FBRSL1: variants seen among roughly 807,000 people sequenced by gnomAD.
FBRSL1 encodes fibrosin-1-like protein.
FBRSL1 carries 51 observed loss-of-function variants against 89.6 expected under a neutral mutation model. The ratio of observed to expected loss-of-function variants is 0.57; its 90% CI spans 0.45 to 0.72. The LOEUF (loss-of-function observed/expected upper bound fraction) is 0.72. Among genes scored for constraint, FBRSL1 ranks in the 30% least tolerant of loss-of-function variants. FBRSL1 has a pLI of 0.00. For missense variants in FBRSL1, 1,618 were observed against 1,451.8 expected, an observed-to-expected ratio of 1.11 and a Z score of -1.86; for synonymous variants, 779 against 681.1, an observed-to-expected ratio of 1.14 and a Z score of -2.24.
At chr12:132,551,350 G>A (rs1294416662) in intron 5 of FBRSL1, 1 of 448,398 alleles carries the variant, frequency 2.2e-6, no homozygotes, top group Non-Finnish European at 4.5e-6. Flanking sequence ...GTGGGCAGAA[G>A]ATGGAGAAGC....
chr12:132,522,243 C>T (rs998515682), intron 2 of FBRSL1, among the ~76,000 whole-genome samples: 2 of 152,166 alleles, frequency 1.3e-5, no homozygotes, highest in African/African-American at 4.8e-5. Flanking sequence ...ACCGGACAGG[C>T]CAGGCCGCAC....
At chr12:132,503,416 C>T (rs1044797571) in intron 1 of FBRSL1, among the ~76,000 whole-genome samples, 8 of 152,240 alleles carry the variant, frequency 5.3e-5, no homozygotes, top group African/African-American at 1.9e-4. Context: ...GTGGGGTCCC[C>T]ATCAGAAAAA....
At chr12:132,576,216 A>C (rs1490289801) in intron 14 of FBRSL1, among the ~76,000 whole-genome samples, 1 of 126,342 alleles carries the variant, frequency 7.9e-6, no homozygotes, top group South Asian at 2.5e-4. Context: ...TTCTTGAGAT[A>C]GAGTCTCGCT....
rs1453335561 is a variant in FBRSL1 at position 132,551,524 on chromosome 12, C to T, written c.645+3492C>T. On this transcript the variant is annotated intron_variant, in intron 5 of 18. Transcript: ENST00000680143. ...CGCGGGCGCATGTCTCAGGCCAGTG[C>T]ACTTCACATCTCATCCCACACCTGC... The T allele has an allele frequency of 6.6e-6, 3 of 456,314 alleles. No individual in the cohort carries two copies. The East Asian group carries it at 2.1e-4, about 32-fold the overall frequency. The allele number at this position is 456,314 out of a possible 1,614,324, so 28.3% of individuals were successfully genotyped here. A position where few individuals can be genotyped will look rare whatever the true frequency, so the allele number is the denominator to read the frequency against.
intron 4 of FBRSL1, among the ~76,000 whole-genome samples, chr12:132,537,292 C>T (rs879618637): frequency 2.0e-5 from 3 of 152,160 alleles, no homozygotes; most frequent in Non-Finnish European, 2.9e-5. Flanking sequence ...GAGACTGTTC[C>T]TGTCCAGTGT....
At chr12:132,536,735 TGAA>T (rs574284901) in intron 4 of FBRSL1, among the ~76,000 whole-genome samples, 65 of 152,090 alleles carry the variant, frequency 4.3e-4, no homozygotes, top group East Asian at 3.9e-3. Context: ...TACGTGTACA[TGAA>T]GGTGTGTGTG....
At chr12:132,514,105 G>C (rs1004753319) in intron 2 of FBRSL1, among the ~76,000 whole-genome samples, 1 of 152,230 alleles carries the variant, frequency 6.6e-6, no homozygotes, top group Non-Finnish European at 1.5e-5. Flanking sequence ...CACTGAGGAC[G>C]ATGAGCTCCG....
chr12:132,519,711 C>G (rs1162262412), intron 2 of FBRSL1, among the ~76,000 whole-genome samples: 1 of 152,164 alleles, frequency 6.6e-6, no homozygotes, highest in African/African-American at 2.4e-5. Flanking sequence ...GAGTTCAAGA[C>G]CAGTCTGGCC....
intron 2 of FBRSL1, chr12:132,509,714 C>T: frequency 8.1e-7 from 1 of 1,231,406 alleles, no homozygotes; most frequent in Non-Finnish European, 1.0e-6. Flanking sequence ...TGTGGCACCG[C>T]TGCCGACCCC....
At chr12:132,527,489 C>G (rs1398647851) in intron 3 of FBRSL1, among the ~76,000 whole-genome samples, 1 of 152,250 alleles carries the variant, frequency 6.6e-6, no homozygotes, top group Admixed American at 6.5e-5. Flanking sequence ...GTCCTCCTCC[C>G]TGCGGCCTCA....
chr12:132,534,648 C>T (rs1025012593), intron 4 of FBRSL1, among the ~76,000 whole-genome samples: 16 of 152,248 alleles, frequency 1.1e-4, no homozygotes, highest in African/African-American at 3.9e-4. Context: ...CTCCTCCATG[C>T]TGCACTGTGC....
Position 132,583,418 on chromosome 12 carries a change from C to G in FBRSL1, c.2649C>G (p.Arg883=). 1 of 1,080,538 alleles carries G rather than the reference C, an allele frequency of 9.3e-7. No homozygotes were observed. Among genetic ancestry groups the G allele is most frequent in the South Asian group, 2.8e-5 (1 of 35,472 alleles). The allele number at this position is 1,080,538 out of a possible 1,614,324, so 66.9% of individuals were successfully genotyped here. A position where few individuals can be genotyped will look rare whatever the true frequency, so the allele number is the denominator to read the frequency against. Residue 883 remains arginine (R), a synonymous_variant, in exon 19 of 19, where the codon CGC becomes CGG. Transcript: ENST00000680143. The part of the protein sequence containing the change: ...GSAALLEPPE[R]PYRDREPHGY... ...CCGCCCTCTTGGAGCCCCCGGAGCG[C>G]CCCTACCGCGACCGCGAGCCCCACG...
At chr12:132,536,503 A>T (rs113821624) in intron 4 of FBRSL1, among the ~76,000 whole-genome samples, 74 of 150,062 alleles carry the variant, frequency 4.9e-4, no homozygotes, top group African/African-American at 1.8e-3. Context: ...TGTGTCGTGT[A>T]CATGATGGTG....
In FBRSL1 at chr12:132,570,435, C is replaced by A. The variant is rs2039931292; in HGVS notation, c.1108C>A (p.Gln370Lys). The A allele has an allele frequency of 6.5e-7, 1 of 1,534,868 alleles. No individual in the cohort carries two copies. The highest frequency in any genetic ancestry group is 8.7e-7 in the Non-Finnish European group (1 of 1,145,838). Residue 370 changes from glutamine (Q) to lysine (K), a missense_variant, in exon 8 of 19, where the codon CAG becomes AAG. By Grantham distance (53) the Gln-to-Lys change is moderately conservative. Coordinates refer to ENST00000680143, the MANE Select transcript of FBRSL1 (RefSeq NM_001367871.1). The stretch of plus-strand genomic sequence containing the variant: ...TACCTCACACCTGGCGCTCCGGTCC[C>A]AGGCGCAGCACCAGCTCCACGCGGC... ...LSTSHLALRS[Q>K]AQHQLHAAMF...
At chr12:132,581,718 G>T in intron 16 of FBRSL1, 23 bp from the exon 17 acceptor site, 5 of 1,549,602 alleles carry the variant, frequency 3.2e-6, no homozygotes, top group Non-Finnish European at 4.4e-6. Context: ...ACAGACCTCT[G>T]GGTCCCGCGG....
chr12:132,564,191 G>A (rs917940704), intron 5 of FBRSL1, among the ~76,000 whole-genome samples: 6 of 152,184 alleles, frequency 3.9e-5, no homozygotes, highest in African/African-American at 1.4e-4. Context: ...GTCCCTCTGG[G>A]CAGCTGGGCC....
At chr12:132,570,867 C>T (rs2137888770) in intron 8 of FBRSL1, among the ~76,000 whole-genome samples, 2 of 152,334 alleles carry the variant, frequency 1.3e-5, no homozygotes, top group South Asian at 4.1e-4. Flanking sequence ...GGGGGCCGCA[C>T]ATCAAGCAGG....
Position 132,583,550 on chromosome 12 carries a change from C to G in FBRSL1, c.2781C>G (p.Ala927=). The change falls in exon 19 of 19, where the codon GCC becomes GCG. Residue 927 remains alanine (A), a synonymous_variant. Coordinates refer to ENST00000680143, the MANE Select transcript of FBRSL1 (RefSeq NM_001367871.1). ...GCGCGCTGCTGCCCTCGCTGGGAGC[C>G]CTGCACTTCCCGCGCCTCTCGCCCG... ...LDGALLPSLG[A]LHFPRLSPAA... 1 of 1,042,114 alleles carries G rather than the reference C, an allele frequency of 9.6e-7. No homozygotes were observed. The highest frequency in any genetic ancestry group is 1.2e-6 in the Non-Finnish European group (1 of 865,566). The allele number at this position is 1,042,114 out of a possible 1,614,324, so 64.6% of individuals were successfully genotyped here.
At chr12:132,521,264 A>G (rs2035325082) in intron 2 of FBRSL1, among the ~76,000 whole-genome samples, 1 of 152,200 alleles carries the variant, frequency 6.6e-6, no homozygotes, top group African/African-American at 2.4e-5. Context: ...GGGCTGGGGC[A>G]GGGGTGCGCT....
Sources: gnomAD v4.1 joint callset for allele counts (sites outside exome capture counted in the v4.1 genomes callset) on GRCh38, gnomAD v4.1.1 for gene constraint, MANE v1.5 for transcripts, NCBI Gene and HGNC (gene_info 2026-07-23, HGNC 2026-07-21) for gene names.